AGBL3: variants seen among roughly 807,000 people sequenced by gnomAD.
The protein encoded by AGBL3 is cytosolic carboxypeptidase 3.
AGBL3 carries 68 observed loss-of-function variants against 94.5 expected under a neutral mutation model. That is an observed-to-expected ratio of 0.72 (90% CI 0.59 to 0.88). AGBL3 has a LOEUF of 0.88. Among genes scored for constraint, AGBL3 ranks in the 40% least tolerant of loss-of-function variants. The pLI, the probability that AGBL3 is intolerant of heterozygous loss-of-function variation, is 0.00. For missense variants in AGBL3, 934 were observed against 1,103.8 expected (o/e 0.85, Z 2.18); for synonymous variants, 354 against 370.7 (o/e 0.95, Z 0.52).
chr7:135,131,825 G>A (rs1828819922), intron 16 of AGBL3, among the ~76,000 whole-genome samples: 1 of 151,842 alleles, frequency 6.6e-6, no homozygotes, highest in South Asian at 2.1e-4. Flanking sequence ...AAGAAAAAAA[G>A]ACATAAATTA....
chr7:135,003,966 G>A (rs1209827750), intron 4 of AGBL3, among the ~76,000 whole-genome samples: 1 of 151,014 alleles, frequency 6.6e-6, no homozygotes, highest in East Asian at 1.9e-4. Context: ...TGCATTTACT[G>A]GTACTGTCAA....
At chr7:135,084,436 A>G (rs1821171632) in intron 15 of AGBL3, among the ~76,000 whole-genome samples, 1 of 152,072 alleles carries the variant, frequency 6.6e-6, no homozygotes, top group Admixed American at 6.6e-5. Context: ...ACTAGTCCCT[A>G]TTCCTCCTAT....
intron 11 of AGBL3, among the ~76,000 whole-genome samples, chr7:135,052,681 A>G (rs1444080678): frequency 2.0e-5 from 3 of 152,134 alleles, no homozygotes; most frequent in Non-Finnish European, 4.4e-5. Flanking sequence ...GGTATTTGAA[A>G]ATGATTTACT....
chr7:135,072,873 C>T (rs1028123185), intron 12 of AGBL3, among the ~76,000 whole-genome samples: 3 of 151,626 alleles, frequency 2.0e-5, no homozygotes, highest in Non-Finnish European at 1.5e-5. Flanking sequence ...TGTAGCAAAC[C>T]TTCACGTTGT....
At chr7:135,027,840 C>T (rs2116375223) in intron 5 of AGBL3, among the ~76,000 whole-genome samples, 1 of 151,706 alleles carries the variant, frequency 6.6e-6, no homozygotes, top group African/African-American at 2.4e-5. Context: ...CAAAATTTCA[C>T]ATGAACCCTA....
intron 4 of AGBL3, chr7:134,995,323 C>T (rs372323537): frequency 6.6e-6 from 1 of 152,272 alleles, no homozygotes; most frequent in Admixed American, 6.5e-5. Flanking sequence ...TCATTCCACT[C>T]AACTTGGTTC....
intron 4 of AGBL3, among the ~76,000 whole-genome samples, chr7:135,008,473 T>C (rs528948330): frequency 3.3e-5 from 5 of 152,140 alleles, no homozygotes; most frequent in Admixed American, 2.0e-4. Context: ...TCACACCATA[T>C]ACAAAAATTG....
At position 135,032,898 on chromosome 7, in the gene AGBL3, T is replaced by C. The variant is rs1815919637; in HGVS notation, c.473T>C (p.Leu158Ser). ...CGAGTTGGGGGTAACCGAACACCTTTGAAGCAGCCTGTGGATTACCGTGAC... is the reference window on the plus strand; with the variant it reads ...CGAGTTGGGGGTAACCGAACACCTTCGAAGCAGCCTGTGGATTACCGTGAC... ...YSRVGGNRTP[L>S]KQPVDYRDNT... The change falls in exon 6 of 17, where the codon TTG (leucine) becomes TCG (serine). Residue 158 changes from leucine (L) to serine (S), a missense_variant. By Grantham distance (145) the Leu-to-Ser change is moderately radical. This residue lies in a region of AGBL3 where 488 missense variants were observed against 563.6 expected (regional missense o/e 0.87). Coordinates refer to ENST00000436302, the MANE Select transcript of AGBL3 (RefSeq NM_178563.4). 1.9e-6 allele frequency: 3 copies of C among 1,551,494 alleles called. No individual in the cohort carries two copies. Among genetic ancestry groups the C allele is most frequent in the Non-Finnish European group, 2.6e-6 (3 of 1,146,856 alleles).
intron 13 of AGBL3, among the ~76,000 whole-genome samples, chr7:135,077,236 T>C (rs1820539158): frequency 6.6e-6 from 1 of 152,178 alleles, no homozygotes; most frequent in Non-Finnish European, 1.5e-5. Flanking sequence ...TCCCTTCCTC[T>C]CCCAGTCCCC....
At chr7:135,103,211 T>C (rs955657695) in intron 15 of AGBL3, among the ~76,000 whole-genome samples, 8 of 152,160 alleles carry the variant, frequency 5.3e-5, no homozygotes, top group African/African-American at 1.7e-4. Flanking sequence ...ATGTTAGCTG[T>C]CTATAATCAT....
intron 2 of AGBL3, chr7:134,988,339 C>T (rs902529102): frequency 9.6e-6 from 2 of 208,876 alleles, no homozygotes; most frequent in South Asian, 1.6e-4. Flanking sequence ...TGTGTTACAT[C>T]GTAGTATGAA....
chr7:135,097,006 A>G lies in AGBL3; in HGVS notation c.2110+15216A>G, dbSNP rs117269139. On this transcript the variant is annotated intron_variant, in intron 15 of 16. Transcript: ENST00000436302. ...CAAGCAAGTACTTCTAAATCAATTG[A>G]AAGTGTTTTTATGACCCAAGAAGAT... Among the ~76,000 whole-genome samples, 729 of 152,304 alleles carry G rather than the reference A, an allele frequency of 4.8e-3. 5 individuals are homozygous for G. Among genetic ancestry groups the G allele is most frequent in the Non-Finnish European group, 6.6e-3 (449 of 68,012 alleles).
Position 134,993,474 on chromosome 7 carries a change from G to A in AGBL3, c.125-19G>A. On this transcript the variant is annotated intron_variant, in intron 3 of 16. Transcript: ENST00000436302. The stretch of plus-strand genomic sequence containing the variant: ...TTTTCTTCTTCCCACTCATGATTGT[G>A]TTTGAATCTTTTTCTCAGCTGACTC... The A allele has an allele frequency of 3.3e-6, 5 of 1,521,468 alleles. No individual in the cohort carries two copies. In the South Asian group the frequency reaches 6.4e-5, roughly 19 times the overall value. The allele number at this position is 1,521,468 out of a possible 1,614,324, so 94.2% of individuals were successfully genotyped here. A position where few individuals can be genotyped will look rare whatever the true frequency, so the allele number is the denominator to read the frequency against.
chr7:135,045,923 C>G lies in AGBL3; in HGVS notation c.1841+12C>G, dbSNP rs367811717. ...GATGTAGAGTCTAGGTAACTCAAGG[C>G]TGCTGAAGTAATGCAATTTGTTGTG... On this transcript the variant is annotated intron_variant, in intron 11 of 16. Transcript: ENST00000436302. 1,299 of 1,462,586 alleles carry G rather than the reference C, an allele frequency of 8.9e-4. 20 individuals are homozygous for G. In the South Asian group the frequency reaches 0.015, roughly 17 times the overall value. 90.6% of individuals were successfully genotyped at this position (1,462,586 alleles called of 1,614,324 possible). A position where few individuals can be genotyped will look rare whatever the true frequency, so the allele number is the denominator to read the frequency against.
chr7:135,049,639 T>C (rs955175108), intron 11 of AGBL3, among the ~76,000 whole-genome samples: 1 of 151,950 alleles, frequency 6.6e-6, no homozygotes, highest in African/African-American at 2.4e-5. Flanking sequence ...AAATTTAGTC[T>C]TGGTAATTTG....
intron 11 of AGBL3, among the ~76,000 whole-genome samples, chr7:135,057,954 C>T (rs1818483562): frequency 6.6e-6 from 1 of 152,126 alleles, no homozygotes; most frequent in Non-Finnish European, 1.5e-5. Context: ...AGATGGAACA[C>T]AGAGGAATTT....
chr7:135,013,122 C>T, intron 4 of AGBL3, among the ~76,000 whole-genome samples: 1 of 152,092 alleles, frequency 6.6e-6, no homozygotes, highest in Non-Finnish European at 1.5e-5. Context: ...AAGACTCGAA[C>T]AGACATTTCT....
chr7:134,993,479 A>C lies in AGBL3; in HGVS notation c.125-14A>C. The C allele has an allele frequency of 6.6e-7, 1 of 1,524,144 alleles. No individual in the cohort carries two copies. The highest frequency in any genetic ancestry group is 1.3e-5 in the South Asian group (1 of 78,484). The allele number at this position is 1,524,144 out of a possible 1,614,324, so 94.4% of individuals were successfully genotyped here. Reference sequence around the variant, plus strand: ...TTCTTCCCACTCATGATTGTGTTTGAATCTTTTTCTCAGCTGACTCTTTTG... The same window carrying C: ...TTCTTCCCACTCATGATTGTGTTTGCATCTTTTTCTCAGCTGACTCTTTTG... On this transcript the variant is annotated splice_polypyrimidine_tract_variant and intron_variant, in intron 3 of 16. Transcript: ENST00000436302.
chr7:135,081,687 C>T, intron 14 of AGBL3, 32 bp from the exon 15 acceptor site: 1 of 1,389,498 alleles, frequency 7.2e-7, no homozygotes, highest in Non-Finnish European at 9.8e-7. Context: ...GAGTTATTTT[C>T]ATGCTACTAT....
Sources: allele counts gnomAD v4.1 joint callset (sites outside exome capture counted in the v4.1 genomes callset), GRCh38; gene constraint gnomAD v4.1.1; regional missense constraint gnomAD v4.1.1; transcripts MANE v1.5; gene names NCBI Gene and HGNC (gene_info 2026-07-23, HGNC 2026-07-21).